GPATCH2: variants seen among roughly 807,000 people sequenced by gnomAD.
GPATCH2 encodes the protein G-patch domain containing 2.
Under a neutral mutation model 58.0 loss-of-function variants are expected in GPATCH2, and 51 were observed. The ratio of observed to expected loss-of-function variants is 0.88; its 90% CI spans 0.70 to 1.11. The LOEUF is 1.11. Ranked by LOEUF, GPATCH2 falls within the 50% of genes most tolerant of loss-of-function variation. GPATCH2 has a pLI of 0.00. For missense variants in GPATCH2, 625 were observed against 652.2 expected (o/e 0.96, Z 0.45); for synonymous variants, 222 against 218.5 (o/e 1.02, Z -0.14).
chr1:217,490,841 TTGG>T (rs1447513926), intron 8 of GPATCH2, among the ~76,000 whole-genome samples: 2 of 152,204 alleles, frequency 1.3e-5, no homozygotes, highest in African/African-American at 2.4e-5. Flanking sequence ...CATTTTGTGT[TTGG>T]TGATTTTTGA....
At chr1:217,572,028 G>A (rs1014218947) in intron 5 of GPATCH2, among the ~76,000 whole-genome samples, 2 of 149,662 alleles carry the variant, frequency 1.3e-5, no homozygotes, top group East Asian at 3.9e-4. Context: ...AAGGAAGGGA[G>A]GTAGGGAGGG....
intron 5 of GPATCH2, among the ~76,000 whole-genome samples, chr1:217,548,350 T>C (rs1217584344): frequency 1.3e-5 from 2 of 152,056 alleles, no homozygotes; most frequent in African/African-American, 4.8e-5. Context: ...TATACGACAA[T>C]ATTCATGACA....
At chr1:217,451,717 AG>A (rs2102472620) in intron 8 of GPATCH2, among the ~76,000 whole-genome samples, 1 of 152,362 alleles carries the variant, frequency 6.6e-6, no homozygotes, top group African/African-American at 2.4e-5. Flanking sequence ...AGACAGGCTC[AG>A]ATATCAGAAA....
chr1:217,588,470 T>C (rs1004972794), intron 5 of GPATCH2, among the ~76,000 whole-genome samples: 1 of 152,160 alleles, frequency 6.6e-6, no homozygotes, highest in Non-Finnish European at 1.5e-5. Context: ...ATTAGAAAGG[T>C]CGAAGTTTCT....
chr1:217,499,637 G>C (rs890279171), intron 6 of GPATCH2, among the ~76,000 whole-genome samples: 7 of 152,030 alleles, frequency 4.6e-5, no homozygotes, highest in Admixed American at 2.6e-4. Flanking sequence ...ATTGGTATTA[G>C]TAAATAACAC....
chr1:217,590,672 G>A (rs866593348), intron 5 of GPATCH2, among the ~76,000 whole-genome samples: 4 of 152,220 alleles, frequency 2.6e-5, no homozygotes, highest in South Asian at 2.1e-4. Flanking sequence ...CTAGTGTGCT[G>A]ATACATCCCC....
At chr1:217,602,690 T>C (rs540704037) in intron 5 of GPATCH2, among the ~76,000 whole-genome samples, 2 of 152,230 alleles carry the variant, frequency 1.3e-5, no homozygotes, top group East Asian at 3.9e-4. Flanking sequence ...ATAGACTACC[T>C]GAGAAACATA....
chr1:217,460,222 AAAGTT>A (rs1660143768), intron 8 of GPATCH2, among the ~76,000 whole-genome samples: 1 of 152,184 alleles, frequency 6.6e-6, no homozygotes, highest in African/African-American at 2.4e-5. Context: ...CCATGAACAG[AAAGTT>A]AAGTTATTGT....
At chr1:217,459,842 G>A (rs757725763) in intron 8 of GPATCH2, among the ~76,000 whole-genome samples, 2 of 152,024 alleles carry the variant, frequency 1.3e-5, no homozygotes, top group Admixed American at 6.6e-5. Context: ...GGATATGTTT[G>A]TTGAATTGAC....
rs754403384 is a variant in GPATCH2, at chr1:217,626,023, T to C, written c.56+4893A>G. Reference sequence around the variant, plus strand: ...GATAGAACTCAAGGATAACTGATTATAGCTATTAGGTATCTAATTAAGGAA... The same window carrying C: ...GATAGAACTCAAGGATAACTGATTACAGCTATTAGGTATCTAATTAAGGAA... On this transcript the variant is annotated intron_variant, in intron 1 of 9. Coordinates refer to ENST00000366935, the MANE Select transcript of GPATCH2 (RefSeq NM_018040.5). Among the ~76,000 whole-genome samples, 88 of 152,134 alleles carry C rather than the reference T, an allele frequency of 5.8e-4. 1 individual carries two copies. Among genetic ancestry groups the C allele is most frequent in the Admixed American group, 4.3e-3 (65 of 15,260 alleles).
At chr1:217,515,587 A>G (rs1283199259) in intron 5 of GPATCH2, among the ~76,000 whole-genome samples, 1 of 152,042 alleles carries the variant, frequency 6.6e-6, no homozygotes, top group Non-Finnish European at 1.5e-5. Flanking sequence ...ACACGTCTGT[A>G]ATCCCAGCTA....
At chr1:217,539,397 C>G (rs992226845) in intron 5 of GPATCH2, among the ~76,000 whole-genome samples, 1 of 152,180 alleles carries the variant, frequency 6.6e-6, no homozygotes, top group Non-Finnish European at 1.5e-5. Context: ...AACAGACTGA[C>G]TATTTGAAAT....
intron 3 of GPATCH2, among the ~76,000 whole-genome samples, chr1:217,612,371 C>G (rs192227658): frequency 5.3e-4 from 81 of 152,160 alleles, no homozygotes; most frequent in Middle Eastern, 3.4e-3. Context: ...TTTCTAAAAT[C>G]TCTTACAACA....
At chr1:217,576,414 A>C (rs961730730) in intron 5 of GPATCH2, among the ~76,000 whole-genome samples, 2 of 152,182 alleles carry the variant, frequency 1.3e-5, no homozygotes, top group African/African-American at 4.8e-5. Flanking sequence ...AAAATGCATA[A>C]GTGTTTTCCA....
chr1:217,611,313 T>A (rs1668616791), intron 3 of GPATCH2, among the ~76,000 whole-genome samples: 1 of 152,168 alleles, frequency 6.6e-6, no homozygotes, highest in African/African-American at 2.4e-5. Context: ...AATTTAAATG[T>A]AATTGGGGAT....
intron 8 of GPATCH2, among the ~76,000 whole-genome samples, chr1:217,483,889 A>T (rs1372317611): frequency 6.6e-6 from 1 of 152,210 alleles, no homozygotes; most frequent in African/African-American, 2.4e-5. Flanking sequence ...TTTATAAGAT[A>T]TGTGATTGCA....
At position 217,544,231 on chromosome 1, in the gene GPATCH2, T is replaced by C. The variant is rs546103571; in HGVS notation, c.1099-29342A>G. 1.7e-4 allele frequency among the ~76,000 whole-genome samples: 26 copies of C among 152,174 alleles called. No homozygotes were observed. The South Asian group carries it at 5.4e-3, about 32-fold the overall frequency. On this transcript the variant is annotated intron_variant, in intron 5 of 9. Transcript: ENST00000366935. ...CCAACATGGCAAAACCTGTCTTTAC[T>C]AAAAATGCAAAAATTAGCCGGATGT...
At chr1:217,482,212 A>G (rs950115948) in intron 8 of GPATCH2, among the ~76,000 whole-genome samples, 1 of 152,212 alleles carries the variant, frequency 6.6e-6, no homozygotes, top group African/African-American at 2.4e-5. Flanking sequence ...CAAATATTTT[A>G]TGCAACAAAC....
At chr1:217,624,286 G>A (rs1408006058) in intron 1 of GPATCH2, among the ~76,000 whole-genome samples, 1 of 152,204 alleles carries the variant, frequency 6.6e-6, no homozygotes, top group Non-Finnish European at 1.5e-5. Flanking sequence ...GGGAGGCTGA[G>A]GCGGCAGGAT....
Sources: allele counts gnomAD v4.1 joint callset (sites outside exome capture counted in the v4.1 genomes callset), GRCh38; gene constraint gnomAD v4.1.1; transcripts MANE v1.5; gene names NCBI Gene and HGNC (gene_info 2026-07-23, HGNC 2026-07-21).